The following SPAG16 variants were observed in gnomAD, a reference collection of about 807,000 sequenced individuals.
SPAG16 encodes sperm-associated antigen 16 protein.
SPAG16 carries 86 observed loss-of-function variants against 80.4 expected under a neutral mutation model. That is an observed-to-expected ratio of 1.07 (90% confidence interval 0.90 to 1.28). The LOEUF is 1.28. Among genes scored for constraint, SPAG16 ranks in the 50% most tolerant of loss-of-function variants. The pLI is 0.00. For missense variants in SPAG16, 870 were observed against 765.3 expected, an observed-to-expected ratio of 1.14 and a Z score of -1.61; for synonymous variants, 294 against 265.9, an observed-to-expected ratio of 1.11 and a Z score of -1.03.
chr2:213,584,529 G>T (rs904204130), intron 10 of SPAG16, among the ~76,000 whole-genome samples: 1 of 151,914 alleles, frequency 6.6e-6, no homozygotes, highest in South Asian at 2.1e-4. Context: ...TTTGATTGAG[G>T]TAGTATTTTC....
intron 10 of SPAG16, among the ~76,000 whole-genome samples, chr2:213,646,509 G>A (rs565298140): frequency 1.3e-5 from 2 of 152,258 alleles, no homozygotes; most frequent in East Asian, 3.9e-4. Flanking sequence ...AAACATATAT[G>A]AAGACATATT....
At chr2:214,066,341 C>T (rs1202540276) in intron 13 of SPAG16, among the ~76,000 whole-genome samples, 1 of 152,120 alleles carries the variant, frequency 6.6e-6, no homozygotes, top group South Asian at 2.1e-4. Flanking sequence ...TGCTGTAGCT[C>T]TTCCTTTGTT....
At chr2:213,777,237 A>ATTTTTTTTTTTTTTTTTTTTTTTTTTTTT (rs59548915) in intron 10 of SPAG16, among the ~76,000 whole-genome samples, 1 of 82,702 alleles carries the variant, frequency 1.2e-5, no homozygotes, top group Non-Finnish European at 2.2e-5. Flanking sequence ...GTTTGTAGGA[A>ATTTTTTTTTTTTTTTTTTTTTTTTTTTTT]TTTTTTTTTT....
chr2:213,483,938 A>G (rs1292722705), intron 9 of SPAG16, among the ~76,000 whole-genome samples: 1 of 152,200 alleles, frequency 6.6e-6, no homozygotes, highest in Admixed American at 6.5e-5. Context: ...ACCATTTCCT[A>G]TGTTTTTAAA....
At chr2:213,868,285 G>T (rs1268499505) in intron 11 of SPAG16, among the ~76,000 whole-genome samples, 8 of 151,354 alleles carry the variant, frequency 5.3e-5, no homozygotes, top group Admixed American at 5.3e-4. Flanking sequence ...TTATGTTTTA[G>T]AAAGAAAACA....
At chr2:213,611,667 G>A (rs1355880390) in intron 10 of SPAG16, among the ~76,000 whole-genome samples, 1 of 152,028 alleles carries the variant, frequency 6.6e-6, no homozygotes, top group Non-Finnish European at 1.5e-5. Context: ...CAGGGTAAAT[G>A]GAGTTTTCCA....
At chr2:213,990,532 T>C (rs1311715608) in intron 12 of SPAG16, among the ~76,000 whole-genome samples, 1 of 152,172 alleles carries the variant, frequency 6.6e-6, no homozygotes, top group Non-Finnish European at 1.5e-5. Context: ...ATGTATTATA[T>C]ACTCTGTTCT....
At chr2:214,059,410 A>T (rs1444543188) in intron 13 of SPAG16, among the ~76,000 whole-genome samples, 1 of 150,994 alleles carries the variant, frequency 6.6e-6, no homozygotes, top group Non-Finnish European at 1.5e-5. Context: ...TACTGTTGGC[A>T]TGTTAGATCT....
chr2:213,843,622 G>C (rs554795438), intron 10 of SPAG16, among the ~76,000 whole-genome samples: 2 of 152,168 alleles, frequency 1.3e-5, no homozygotes, highest in Non-Finnish European at 2.9e-5. Context: ...AGGCTGAAGC[G>C]GGTCGATCAC....
chr2:214,092,506 A>AATATAT lies in SPAG16; in HGVS notation c.1528-15679_1528-15674dup, dbSNP rs59378417. 1.5e-3 allele frequency among the ~76,000 whole-genome samples: 226 copies of AATATAT among 147,848 alleles called. 3 individuals are homozygous for AATATAT. The South Asian group carries it at 0.016, about 11-fold the overall frequency. ...CTGTGTTACTATGAATATATATATA[A>AATATAT]ATATATATATATATATGGCCCTTTA... On this transcript the variant is annotated intron_variant, in intron 13 of 15. Coordinates refer to ENST00000331683, the MANE Select transcript of SPAG16 (RefSeq NM_024532.5).
intron 7 of SPAG16, among the ~76,000 whole-genome samples, chr2:213,355,350 C>CT (rs1389080665): frequency 7.0e-6 from 1 of 143,358 alleles, no homozygotes; most frequent in African/African-American, 2.6e-5. Context: ...TATGCAGGCT[C>CT]TTTTTTGGTT....
chr2:213,831,347 C>T (rs1306005612), intron 10 of SPAG16, among the ~76,000 whole-genome samples: 1 of 151,672 alleles, frequency 6.6e-6, no homozygotes, highest in African/African-American at 2.4e-5. Flanking sequence ...TGAACCATGA[C>T]TTTTTATCTT....
At chr2:213,452,108 T>G (rs1347419306) in intron 9 of SPAG16, among the ~76,000 whole-genome samples, 1 of 152,208 alleles carries the variant, frequency 6.6e-6, no homozygotes, top group Non-Finnish European at 1.5e-5. Flanking sequence ...CACTTCCAGC[T>G]CTGTGCCCAA....
At chr2:213,477,435 G>A (rs1443956498) in intron 9 of SPAG16, among the ~76,000 whole-genome samples, 3 of 152,200 alleles carry the variant, frequency 2.0e-5, no homozygotes, top group East Asian at 3.8e-4. Context: ...CAGCTGGGAG[G>A]GGAGTTATAC....
chr2:213,640,921 T>C (rs921354659), intron 10 of SPAG16, among the ~76,000 whole-genome samples: 1 of 151,806 alleles, frequency 6.6e-6, no homozygotes, highest in African/African-American at 2.4e-5. Context: ...TGCAGTAGTA[T>C]AGAGGGGATA....
intron 10 of SPAG16, among the ~76,000 whole-genome samples, chr2:213,673,822 A>G (rs1019101155): frequency 1.3e-5 from 2 of 152,266 alleles, no homozygotes; most frequent in African/African-American, 4.8e-5. Context: ...AATAAAGAAC[A>G]TTGGAAAAAT....
chr2:213,853,513 A>T (rs2075010726), intron 10 of SPAG16, among the ~76,000 whole-genome samples: 1 of 152,220 alleles, frequency 6.6e-6, no homozygotes, highest in South Asian at 2.1e-4. Flanking sequence ...TTAACAAAAC[A>T]TTTTATGGAT....
chr2:213,892,440 G>A (rs1007563364), intron 11 of SPAG16, among the ~76,000 whole-genome samples: 6 of 152,190 alleles, frequency 3.9e-5, no homozygotes, highest in Admixed American at 3.3e-4. Context: ...AGGAAACCAT[G>A]ATTTCCCCAA....
At chr2:213,464,021 A>C (rs1241905363) in intron 9 of SPAG16, among the ~76,000 whole-genome samples, 1 of 152,216 alleles carries the variant, frequency 6.6e-6, no homozygotes, top group African/African-American at 2.4e-5. Context: ...TACTAGTACT[A>C]AGTCCCCTGG....
Sources: allele counts gnomAD v4.1 joint callset (sites outside exome capture counted in the v4.1 genomes callset), GRCh38; gene constraint gnomAD v4.1.1; transcripts MANE v1.5; gene names NCBI Gene and HGNC (gene_info 2026-07-23, HGNC 2026-07-21).